Variants in ADAM22 observed in about 807,000 individuals in gnomAD.
ADAM22 encodes ADAM metallopeptidase domain 22.
ADAM22 carries 65 observed loss-of-function variants against 144.6 expected under a neutral mutation model. The observed-to-expected ratio is 0.45, with a 90% CI of 0.37 to 0.55. ADAM22 has a LOEUF of 0.55. Ranked by LOEUF, ADAM22 falls within the 20% of genes least tolerant of loss-of-function variation. The pLI is 0.00. For missense variants in ADAM22, 974 were observed against 1,184.9 expected (o/e 0.82, Z 2.61); for synonymous variants, 391 against 412.6 (o/e 0.95, Z 0.63).
intron 22 of ADAM22, 29 bp from the exon 23 acceptor site, chr7:88,162,983 T>C (rs1842097970): frequency 1.3e-6 from 2 of 1,598,756 alleles, no homozygotes; most frequent in African/African-American, 2.7e-5. Flanking sequence ...AATTAATAGA[T>C]TCATTTTTTG....
At chr7:88,141,206 A>G (rs1834527981) in intron 14 of ADAM22, among the ~76,000 whole-genome samples, 1 of 152,228 alleles carries the variant, frequency 6.6e-6, no homozygotes, top group Non-Finnish European at 1.5e-5. Flanking sequence ...AGTGTGGGAA[A>G]GAGCAGGCTG....
At chr7:88,085,253 A>G (rs560984154) in intron 4 of ADAM22, among the ~76,000 whole-genome samples, 1 of 152,336 alleles carries the variant, frequency 6.6e-6, no homozygotes. Context: ...GCTAAACTCT[A>G]AGAGCTTCTT....
Position 88,201,199 on chromosome 7 carries a change from T to C in ADAM22, c.*4708T>C, listed in dbSNP as rs1458638665. On this transcript the variant is annotated 3_prime_UTR_variant, in exon 32 of 32. Coordinates refer to ENST00000413139, the MANE Select transcript of ADAM22 (RefSeq NM_001324418.2). ...TGTTTGTAAGCAGAAAAACAAAACA[T>C]TCAAAACCAAAAACCTAATTAGTAC... 6.6e-6 allele frequency: 1 copy of C among 152,216 alleles called. No homozygotes were observed. The highest frequency in any genetic ancestry group is 6.5e-5 in the Admixed American group (1 of 15,282). 9.4% of individuals were successfully genotyped at this position (152,216 alleles called of 1,614,324 possible). A position where few individuals can be genotyped will look rare whatever the true frequency, so the allele number is the denominator to read the frequency against.
intron 23 of ADAM22, among the ~76,000 whole-genome samples, chr7:88,165,509 A>AT (rs1842745593): frequency 1.3e-5 from 2 of 152,108 alleles, no homozygotes; most frequent in South Asian, 4.1e-4. Flanking sequence ...AGATGATTAT[A>AT]TTTCTGCTTA....
intron 14 of ADAM22, among the ~76,000 whole-genome samples, chr7:88,137,398 C>T (rs1005853385): frequency 6.6e-6 from 1 of 152,142 alleles, no homozygotes; most frequent in African/African-American, 2.4e-5. Context: ...CCCTACTATT[C>T]ATGATTGGTT....
At chr7:88,014,458 T>C (rs1284932492) in intron 3 of ADAM22, among the ~76,000 whole-genome samples, 1 of 152,114 alleles carries the variant, frequency 6.6e-6, no homozygotes, top group Non-Finnish European at 1.5e-5. Context: ...GTTATATACT[T>C]TTGACTGGGT....
chr7:88,045,021 G>A (rs1347303633), intron 3 of ADAM22, among the ~76,000 whole-genome samples: 1 of 151,246 alleles, frequency 6.6e-6, no homozygotes, highest in African/African-American at 2.4e-5. Flanking sequence ...CACTGCACCC[G>A]GCCTTTTTTT....
intron 3 of ADAM22, among the ~76,000 whole-genome samples, chr7:88,068,556 A>C (rs1044653149): frequency 6.6e-6 from 1 of 152,222 alleles, no homozygotes; most frequent in Non-Finnish European, 1.5e-5. Context: ...TTGGGGCAGC[A>C]TAACAATCAC....
intron 14 of ADAM22, among the ~76,000 whole-genome samples, chr7:88,141,541 T>C (rs985734392): frequency 1.3e-5 from 2 of 152,132 alleles, no homozygotes; most frequent in Admixed American, 6.6e-5. Context: ...TTGTTTTTTT[T>C]CCCTTTTTAT....
intron 21 of ADAM22, 41 bp from the exon 22 acceptor site, chr7:88,155,846 T>A (rs1563345860): frequency 6.2e-7 from 1 of 1,604,732 alleles, no homozygotes; most frequent in Non-Finnish European, 8.5e-7. Context: ...TGGTTTGCTA[T>A]ATATTTGGGA....
chr7:88,087,077 A>C (rs752389757), intron 4 of ADAM22, among the ~76,000 whole-genome samples: 6 of 152,166 alleles, frequency 3.9e-5, no homozygotes, highest in Non-Finnish European at 5.9e-5. Flanking sequence ...CGTAGTAAGG[A>C]GTAATAAAGC....
At chr7:88,139,450 A>G (rs1328314040) in intron 14 of ADAM22, among the ~76,000 whole-genome samples, 1 of 151,424 alleles carries the variant, frequency 6.6e-6, no homozygotes, top group African/African-American at 2.4e-5. Context: ...AAATAAATAA[A>G]TAAATAAAAG....
chr7:88,162,097 T>TACACAC (rs61053925), intron 22 of ADAM22, among the ~76,000 whole-genome samples: 27,852 of 136,616 alleles, frequency 0.2, 2,892 homozygotes, highest in East Asian at 0.24. Context: ...AAATGTGTAA[T>TACACAC]ACACACACAC....
intron 3 of ADAM22, among the ~76,000 whole-genome samples, chr7:88,037,657 G>A (rs1801842627): frequency 6.6e-6 from 1 of 151,162 alleles, no homozygotes; most frequent in Non-Finnish European, 1.5e-5. Context: ...AACTGTATCT[G>A]TATGTTAACC....
chr7:88,006,115 T>C (rs1180895785), intron 3 of ADAM22, among the ~76,000 whole-genome samples: 2 of 152,210 alleles, frequency 1.3e-5, no homozygotes, highest in African/African-American at 4.8e-5. Context: ...CTTTTTTCAT[T>C]AGTTATAAAT....
At chr7:88,012,119 G>T (rs116098906) in intron 3 of ADAM22, among the ~76,000 whole-genome samples, 300 of 149,220 alleles carry the variant, frequency 2.0e-3, no homozygotes, top group African/African-American at 7.2e-3. Context: ...TTCCTCAGTT[G>T]TGTCCAGTCT....
chr7:88,083,920 A>T (rs1487377650), intron 4 of ADAM22, among the ~76,000 whole-genome samples: 1 of 152,114 alleles, frequency 6.6e-6, no homozygotes, highest in Non-Finnish European at 1.5e-5. Context: ...TGGGAAAAAA[A>T]AATTACCTAG....
In ADAM22 at chr7:88,156,021, A is replaced by G. The variant is rs761354830; in HGVS notation, c.1907+15A>G. 2 of 1,611,316 alleles carry G rather than the reference A, an allele frequency of 1.2e-6. No homozygotes were observed. The highest frequency in any genetic ancestry group is 2.7e-5 in the African/African-American group (2 of 74,938). On this transcript the variant is annotated intron_variant, in intron 22 of 31. Coordinates refer to ENST00000413139, the MANE Select transcript of ADAM22 (RefSeq NM_001324418.2). Reference sequence around the variant, plus strand: ...TTAAACTGCAGGTAATTATCTAACCATTCTGTAAGAATCTGAGTCATCTTA... The same window carrying G: ...TTAAACTGCAGGTAATTATCTAACCGTTCTGTAAGAATCTGAGTCATCTTA...
At chr7:88,093,689 G>A (rs776886970) in intron 4 of ADAM22, among the ~76,000 whole-genome samples, 1 of 152,044 alleles carries the variant, frequency 6.6e-6, no homozygotes, top group Non-Finnish European at 1.5e-5. Context: ...TGGGACTACA[G>A]GTGCATGTCA....
Sources: allele counts gnomAD v4.1 joint callset (sites outside exome capture counted in the v4.1 genomes callset), GRCh38; gene constraint gnomAD v4.1.1; transcripts MANE v1.5; gene names NCBI Gene and HGNC (gene_info 2026-07-23, HGNC 2026-07-21).